Variants in MCM4 observed in about 807,000 individuals in gnomAD.
MCM4 encodes DNA replication licensing factor MCM4.
In MCM4, 60 loss-of-function variants were observed where a neutral mutation model predicts 88.7. The observed-to-expected ratio is 0.68, with a 90% CI of 0.55 to 0.84. The LOEUF (loss-of-function observed/expected upper bound fraction) is 0.84. Among genes scored for constraint, MCM4 ranks in the 40% least tolerant of loss-of-function variants. The probability of loss-of-function intolerance (pLI) is 0.00; values close to 1 mark genes in which losing one functional copy is unlikely to be tolerated. For missense variants in MCM4, 1,149 were observed against 1,105.5 expected (o/e 1.04, Z -0.56); for synonymous variants, 465 against 410.5 (o/e 1.13, Z -1.61).
At chr8:47,976,365 T>C (rs891582937) in intron 16 of MCM4, among the ~76,000 whole-genome samples, 1 of 152,120 alleles carries the variant, frequency 6.6e-6, no homozygotes, top group Non-Finnish European at 1.5e-5. Context: ...GTATGAAATA[T>C]TTGGGTGTCC....
In MCM4 at chr8:47,962,381, T is replaced by C. The variant is rs1207574108; in HGVS notation, c.476T>C (p.Val159Ala). The change falls in exon 5 of 17, where the codon GTG becomes GCG. Residue 159 changes from valine to alanine, a missense_variant. Val to Ala is a moderately conservative substitution (Grantham distance 64, BLOSUM62 0). Coordinates refer to ENST00000649973, the MANE Select transcript of MCM4 (RefSeq NM_182746.3). ...GTGATCTGGGGAACAGATGTAAATG[T>C]GGCAGCATGCAAAGAAAACTTTCAG... ...KLVIWGTDVN[V>A]AACKENFQRF... 1.2e-6 allele frequency: 2 copies of C among 1,614,136 alleles called. No individual in the cohort carries two copies. Among genetic ancestry groups the C allele is most frequent in the East Asian group, 4.5e-5 (2 of 44,904 alleles).
intron 3 of MCM4, 163 bp downstream of exon 3, chr8:47,961,843 ATAG>A (rs1243577236): frequency 6.6e-6 from 7 of 1,054,696 alleles, no homozygotes; most frequent in African/African-American, 1.6e-5. Flanking sequence ...AGTGCAGAAA[ATAG>A]TAGTTTTAGG....
At position 47,976,809 on chromosome 8, in the gene MCM4, G is replaced by A. The variant is rs1190879565; in HGVS notation, c.*31G>A. The A allele has an allele frequency of 1.4e-6, 2 of 1,430,350 alleles. No homozygotes were observed. Among genetic ancestry groups the A allele is most frequent in the African/African-American group, 2.8e-5 (2 of 71,500 alleles). 88.6% of individuals were successfully genotyped at this position (1,430,350 alleles called of 1,614,324 possible). A position where few individuals can be genotyped will look rare whatever the true frequency, so the allele number is the denominator to read the frequency against. On this transcript the variant is annotated 3_prime_UTR_variant, in exon 17 of 17. Coordinates refer to ENST00000649973, the MANE Select transcript of MCM4 (RefSeq NM_182746.3). Reference sequence around the variant, plus strand: ...TGTGAGCAAGGAAGGCTCCCTGCATGTCCTGCTTGCTGCACGCCACATGGG... The same window carrying A: ...TGTGAGCAAGGAAGGCTCCCTGCATATCCTGCTTGCTGCACGCCACATGGG...
chr8:47,966,583 C>T (rs1343771695), intron 9 of MCM4, among the ~76,000 whole-genome samples, 176 bp downstream of exon 9: 1 of 152,200 alleles, frequency 6.6e-6, no homozygotes. Context: ...ACGCAAAGCC[C>T]CTGCTTCAGG....
chr8:47,970,066 G>T lies in MCM4; in HGVS notation c.1434+9G>T. On this transcript the variant is annotated intron_variant, in intron 11 of 16. Transcript: ENST00000649973. ...ATGAAGATATAAAGAAGGTAACAGTGGATTTTAAACTAGGGGTTGGGATTT... is the reference window on the plus strand; with the variant it reads ...ATGAAGATATAAAGAAGGTAACAGTTGATTTTAAACTAGGGGTTGGGATTT... 1 of 1,611,312 alleles carries T rather than the reference G, an allele frequency of 6.2e-7. No homozygotes were observed. Among genetic ancestry groups the T allele is most frequent in the East Asian group, 2.2e-5 (1 of 44,846 alleles).
chr8:47,966,180 C>G lies in MCM4; in HGVS notation c.833-7C>G. 1 of 1,612,874 alleles carries G rather than the reference C, an allele frequency of 6.2e-7. No homozygotes were observed. Among genetic ancestry groups the G allele is most frequent in the South Asian group, 1.1e-5 (1 of 91,058 alleles). On this transcript the variant is annotated splice_polypyrimidine_tract_variant and splice_region_variant and intron_variant, in intron 8 of 16. Coordinates refer to ENST00000649973, the MANE Select transcript of MCM4 (RefSeq NM_182746.3). ...CAGGTGTGCTGACCTCTCTTCTCCCCTCACAGACATTGACCAGCTCATCAC... is the reference window on the plus strand; with the variant it reads ...CAGGTGTGCTGACCTCTCTTCTCCCGTCACAGACATTGACCAGCTCATCAC...
At chr8:47,966,898 G>A (rs1266801188) in intron 9 of MCM4, among the ~76,000 whole-genome samples, 1 of 152,242 alleles carries the variant, frequency 6.6e-6, no homozygotes, top group African/African-American at 2.4e-5. Flanking sequence ...AGATGTGGGA[G>A]GACAGGATTT....
chr8:47,970,724 G>A lies in MCM4; in HGVS notation c.1648G>A (p.Asp550Asn). The A allele has an allele frequency of 6.2e-6, 10 of 1,614,206 alleles. No individual in the cohort carries two copies. The highest frequency in any genetic ancestry group is 8.5e-6 in the Non-Finnish European group (10 of 1,180,042). Reference sequence around the variant, plus strand: ...TGGCCTCACTGCGTACGTAATGAAAGACCCTGAGACAAGGCAGCTGGTCCT... The same window carrying A: ...TGGCCTCACTGCGTACGTAATGAAAAACCCTGAGACAAGGCAGCTGGTCCT... ...AVGLTAYVMK[D>N]PETRQLVLQT... Residue 550 changes from aspartate to asparagine, a missense_variant, in exon 12 of 17, where the codon GAC (aspartate) becomes AAC (asparagine). Asp to Asn is a conservative substitution (Grantham distance 23). This residue lies in a region of MCM4 where 906 missense variants were observed against 843.0 expected (regional missense o/e 1.07). Coordinates refer to ENST00000649973, the MANE Select transcript of MCM4 (RefSeq NM_182746.3).
In MCM4 at chr8:47,961,003, C is replaced by T. The variant is rs1045388320; in HGVS notation, c.-26C>T. On this transcript the variant is annotated 5_prime_UTR_variant, in exon 1 of 17. Coordinates refer to ENST00000649973, the MANE Select transcript of MCM4 (RefSeq NM_182746.3). ...TCCGCGAGCGTCGTCGGCAAGCGGC[C>T]GCCTTTCCACGGTAACCGCGCGCCG... 2.3e-6 allele frequency: 2 copies of T among 874,070 alleles called. No individual in the cohort carries two copies. Among genetic ancestry groups the T allele is most frequent in the Non-Finnish European group, 3.2e-6 (2 of 618,954 alleles). The allele number at this position is 874,070 out of a possible 1,614,324, so 54.1% of individuals were successfully genotyped here. A position where few individuals can be genotyped will look rare whatever the true frequency, so the allele number is the denominator to read the frequency against.
At position 47,971,439 on chromosome 8, in the gene MCM4, C is replaced by T. The variant is rs2090952964; in HGVS notation, c.1899C>T (p.Asn633=). 1.2e-6 allele frequency: 2 copies of T among 1,614,088 alleles called. No individual in the cohort carries two copies. Among genetic ancestry groups the T allele is most frequent in the Admixed American group, 1.7e-5 (1 of 60,026 alleles). Residue 633 remains asparagine, a synonymous_variant, in exon 13 of 17, where the codon AAC becomes AAT. Coordinates refer to ENST00000649973, the MANE Select transcript of MCM4 (RefSeq NM_182746.3). The stretch of plus-strand genomic sequence containing the variant: ...ATCCTAAAAAAACAACCATTGAAAA[C>T]ATCCAGCTGCCTCATACTTTATTAT... The part of the protein sequence containing the change: ...QWNPKKTTIE[N]IQLPHTLLSR...
At chr8:47,970,402 T>C (rs1396861269) in intron 11 of MCM4, 109 bp from the exon 12 acceptor site, 1 of 1,386,842 alleles carries the variant, frequency 7.2e-7, no homozygotes, top group East Asian at 2.3e-5. Flanking sequence ...CTTCCTGTGA[T>C]TTCTTAATTG....
At chr8:47,971,010 T>G in intron 12 of MCM4, 134 bp downstream of exon 12, 1 of 1,106,824 alleles carries the variant, frequency 9.0e-7, no homozygotes, top group African/African-American at 1.6e-5. Flanking sequence ...CCACATCATA[T>G]TTCAGCTAAA....
chr8:47,970,535 G>A lies in MCM4; in HGVS notation c.1459G>A (p.Gly487Arg), dbSNP rs755560078. Residue 487 changes from glycine (G) to arginine (R), a missense_variant, in exon 12 of 17, where the codon GGG becomes AGG. Physicochemically the swap from Gly to Arg is moderately radical, Grantham distance 125 (BLOSUM62 -2). Coordinates refer to ENST00000649973, the MANE Select transcript of MCM4 (RefSeq NM_182746.3). Reference sequence around the variant, plus strand: ...GGGAATTTTGCTTCAGCTCTTTGGCGGGACAAGGAAGGATTTTAGTCACAC... The same window carrying A: ...GGGAATTTTGCTTCAGCTCTTTGGCAGGACAAGGAAGGATTTTAGTCACAC... ...KKGILLQLFG[G>R]TRKDFSHTGR... The A allele has an allele frequency of 3.1e-6, 5 of 1,601,198 alleles. No individual in the cohort carries two copies. Among genetic ancestry groups the A allele is most frequent in the African/African-American group, 1.3e-5 (1 of 74,784 alleles).
rs1489645323 is a variant in MCM4, at chr8:47,964,669, C to T, written c.789C>T (p.Phe263=). ...AACATCAGATTCAAGTAAGACCATT[C>T]AACGCATTGAAGACTAAGAATATGA... ...ILEHQIQVRP[F]NALKTKNMRN... is the part of the protein sequence containing the mutation. Residue 263 remains phenylalanine, a synonymous_variant, in exon 8 of 17, where the codon TTC becomes TTT. Coordinates refer to ENST00000649973, the MANE Select transcript of MCM4 (RefSeq NM_182746.3). 1 of 1,602,132 alleles carries T rather than the reference C, an allele frequency of 6.2e-7. No homozygotes were observed. Among genetic ancestry groups the T allele is most frequent in the Non-Finnish European group, 8.5e-7 (1 of 1,176,276 alleles).
chr8:47,965,234 A>G (rs1370504659), intron 8 of MCM4, among the ~76,000 whole-genome samples: 1 of 151,884 alleles, frequency 6.6e-6, no homozygotes, highest in Non-Finnish European at 1.5e-5. Flanking sequence ...AAAAAATTAG[A>G]TTTTAAAGAT....
At chr8:47,963,654 A>G (rs2090868985) in intron 7 of MCM4, among the ~76,000 whole-genome samples, 1 of 152,230 alleles carries the variant, frequency 6.6e-6, no homozygotes, top group Non-Finnish European at 1.5e-5. Context: ...AAATGGAAAT[A>G]CTTTAAATGA....
chr8:47,963,037 A>T lies in MCM4; in HGVS notation c.690A>T (p.Pro230=), dbSNP rs780301683. ...TGTACAGACAACTCATCTCTTACCCACAGGTAAGAATTTAGCTTTGACCTT... is the reference window on the plus strand; with the variant it reads ...TGTACAGACAACTCATCTCTTACCCTCAGGTAAGAATTTAGCTTTGACCTT... ...KNLYRQLISY[P]QEVIPTFDMA... Residue 230 remains proline (P), a synonymous_variant, in exon 7 of 17, where the codon CCA becomes CCT. Transcript: ENST00000649973. 2 of 1,556,476 alleles carry T rather than the reference A, an allele frequency of 1.3e-6. No individual in the cohort carries two copies. The highest frequency in any genetic ancestry group is 2.7e-5 in the African/African-American group (2 of 72,954).
intron 7 of MCM4, among the ~76,000 whole-genome samples, chr8:47,963,958 T>C (rs1053799974): frequency 1.3e-5 from 2 of 152,214 alleles, no homozygotes; most frequent in Non-Finnish European, 2.9e-5. Flanking sequence ...GCACGGTGGC[T>C]CATGCCTGTG....
chr8:47,967,591 T>A (rs1377953899), intron 10 of MCM4, 106 bp downstream of exon 10: 4 of 1,395,198 alleles, frequency 2.9e-6, no homozygotes, highest in Non-Finnish European at 4.0e-6. Context: ...CTACCTCCAG[T>A]TGTCACTGCT....
Sources: gnomAD v4.1 joint callset for allele counts (sites outside exome capture counted in the v4.1 genomes callset) on GRCh38, gnomAD v4.1.1 for gene constraint, gnomAD v4.1.1 regional missense constraint, MANE v1.5 for transcripts, NCBI Gene and HGNC (gene_info 2026-07-23, HGNC 2026-07-21) for gene names.